ADK: variants seen among roughly 807,000 people sequenced by gnomAD.
ADK encodes the protein adenosine kinase.
In ADK, 24 loss-of-function variants were observed where a neutral mutation model predicts 44.7. The observed-to-expected ratio is 0.54, with a 90% confidence interval of 0.39 to 0.76. The LOEUF is 0.76. Ranked by LOEUF, ADK falls within the 30% of genes least tolerant of loss-of-function variation. ADK has a pLI of 0.00. For synonymous variants in ADK, 128 were observed against 142.6 expected (o/e 0.90, Z 0.73); for missense variants, 321 against 425.1 (o/e 0.76, Z 2.15).
At chr10:74,404,374 A>G (rs1182578028) in intron 6 of ADK, among the ~76,000 whole-genome samples, 2 of 152,076 alleles carry the variant, frequency 1.3e-5, no homozygotes, top group Non-Finnish European at 1.5e-5. Flanking sequence ...AGTTCTCTTT[A>G]TTCCTTTTGG....
At chr10:74,227,089 A>G (rs1844569694) in intron 3 of ADK, among the ~76,000 whole-genome samples, 1 of 152,214 alleles carries the variant, frequency 6.6e-6, no homozygotes, top group Non-Finnish European at 1.5e-5. Flanking sequence ...GGTGGTGGTC[A>G]TGGAAGTCAG....
intron 10 of ADK, among the ~76,000 whole-genome samples, chr10:74,690,589 A>G (rs553969141): frequency 1.2e-4 from 19 of 152,324 alleles, no homozygotes; most frequent in South Asian, 4.1e-4. Flanking sequence ...ACCTTTGACT[A>G]TATTGCAAAA....
intron 2 of ADK, among the ~76,000 whole-genome samples, chr10:74,218,917 C>T (rs921663383): frequency 1.1e-4 from 17 of 151,972 alleles, no homozygotes; most frequent in Non-Finnish European, 2.5e-4. Flanking sequence ...CAAAATCATG[C>T]CAAAATGTAA....
At chr10:74,698,533 T>TA (rs1253998142) in intron 10 of ADK, among the ~76,000 whole-genome samples, 4 of 152,224 alleles carry the variant, frequency 2.6e-5, no homozygotes, top group Non-Finnish European at 4.4e-5. Context: ...AATCTTGTTC[T>TA]AAAAAGAGCA....
At chr10:74,184,488 G>A (rs1842674826) in intron 1 of ADK, among the ~76,000 whole-genome samples, 1 of 146,018 alleles carries the variant, frequency 6.8e-6, no homozygotes, top group Admixed American at 7.0e-5. Context: ...ACACCACCAT[G>A]CCTGGCTATA....
intron 1 of ADK, among the ~76,000 whole-genome samples, chr10:74,160,782 T>TG (rs11388849): frequency 0.7 from 105,260 of 151,058 alleles, 37,405 homozygotes; most frequent in Middle Eastern, 0.84. Flanking sequence ...TGTTCGTATA[T>TG]GGGGGGAAAT....
chr10:74,434,960 G>C (rs1845132259), intron 6 of ADK, among the ~76,000 whole-genome samples: 1 of 152,168 alleles, frequency 6.6e-6, no homozygotes, highest in Admixed American at 6.5e-5. Flanking sequence ...AACTAGTTAT[G>C]CACAGTAGCA....
intron 3 of ADK, among the ~76,000 whole-genome samples, chr10:74,295,952 G>T (rs1331307978): frequency 1.3e-5 from 2 of 151,668 alleles, no homozygotes; most frequent in African/African-American, 2.4e-5. Context: ...ATGATTATTT[G>T]TGCCTTCTTT....
chr10:74,215,683 T>A (rs1256824412), intron 2 of ADK, among the ~76,000 whole-genome samples: 2 of 149,784 alleles, frequency 1.3e-5, no homozygotes, highest in Admixed American at 6.6e-5. Context: ...TTTTTTTTTT[T>A]AAGACAGAGT....
At chr10:74,594,593 C>A (rs1851832867) in intron 8 of ADK, among the ~76,000 whole-genome samples, 1 of 150,110 alleles carries the variant, frequency 6.7e-6, no homozygotes, top group African/African-American at 2.5e-5. Context: ...CAGAAATTCT[C>A]AGACTAGATA....
chr10:74,424,293 C>T (rs1005778166), intron 6 of ADK, among the ~76,000 whole-genome samples: 5 of 151,862 alleles, frequency 3.3e-5, no homozygotes, highest in African/African-American at 1.2e-4. Flanking sequence ...AATCCCAGCA[C>T]AGAGGCCGAG....
intron 2 of ADK, among the ~76,000 whole-genome samples, chr10:74,206,444 GTT>G (rs1342698784): frequency 3.9e-5 from 6 of 152,190 alleles, no homozygotes; most frequent in African/African-American, 1.4e-4. Context: ...ACAGCTCATT[GTT>G]TCAGTAGCTA....
chr10:74,429,390 T>A lies in ADK; in HGVS notation c.555+30811T>A, dbSNP rs147887383. ...AGTTTAATACAGTGAAGTCATAACT[T>A]GCAACAAACTATCCCAATTTTAAGA... On this transcript the variant is annotated intron_variant, in intron 6 of 10. Coordinates refer to ENST00000539909, the MANE Select transcript of ADK (RefSeq NM_006721.4). 6.6e-3 allele frequency among the ~76,000 whole-genome samples: 1,011 copies of A among 152,292 alleles called. 16 individuals are homozygous for A. The highest frequency in any genetic ancestry group is 0.023 in the African/African-American group (947 of 41,558).
chr10:74,649,109 A>G (rs370543658), intron 9 of ADK, among the ~76,000 whole-genome samples: 7 of 152,146 alleles, frequency 4.6e-5, no homozygotes, highest in South Asian at 4.2e-4. Flanking sequence ...TGAACCCCGG[A>G]GGTAGGGGCA....
At chr10:74,171,810 C>CTCTCTGTGTGTGTG (rs1554825180) in intron 1 of ADK, among the ~76,000 whole-genome samples, 18 of 144,090 alleles carry the variant, frequency 1.2e-4, no homozygotes, top group African/African-American at 3.6e-4. Flanking sequence ...CTCTGTCTCT[C>CTCTCTGTGTGTGTG]TGTGTGTGTG....
chr10:74,285,709 G>C (rs1418275875), intron 3 of ADK, among the ~76,000 whole-genome samples: 2 of 151,688 alleles, frequency 1.3e-5, no homozygotes, highest in Non-Finnish European at 2.9e-5. Context: ...CAAAAACCCA[G>C]TTAGACTGCT....
In ADK at chr10:74,516,523, CTTTTCT is replaced by C. The variant is rs562654071; in HGVS notation, c.556-8728_556-8723del. On this transcript the variant is annotated intron_variant, in intron 6 of 10. Coordinates refer to ENST00000539909, the MANE Select transcript of ADK (RefSeq NM_006721.4). ...TCCTTTATTGCTTTTCTTTTCTTTT[CTTTTCT>C]TTTTTTTTTTTTGAGATGGAGTCGC... Among the ~76,000 whole-genome samples the C allele has an allele frequency of 6.1e-3, 730 of 119,446 alleles. 8 individuals carry two copies. Among genetic ancestry groups the C allele is most frequent in the African/African-American group, 0.02 (664 of 33,528 alleles). The allele number at this position is 119,446 out of a possible 152,430, so 78.4% of individuals were successfully genotyped here.
At chr10:74,372,152 A>G in intron 4 of ADK, 1 of 752,480 alleles carries the variant, frequency 1.3e-6, no homozygotes, top group Non-Finnish European at 2.4e-6. Context: ...GAGATCCTAA[A>G]GAGACTGAAA....
At chr10:74,670,311 T>C in intron 10 of ADK, 42 bp downstream of exon 10, 1 of 1,475,594 alleles carries the variant, frequency 6.8e-7, no homozygotes, top group African/African-American at 1.4e-5. Flanking sequence ...AAGTAAAACA[T>C]TTTAACCCTT....
Sources: allele counts gnomAD v4.1 joint callset (sites outside exome capture counted in the v4.1 genomes callset), GRCh38; gene constraint gnomAD v4.1.1; transcripts MANE v1.5; gene names NCBI Gene and HGNC (gene_info 2026-07-23, HGNC 2026-07-21).